The following CEP128 variants were observed in gnomAD, a reference collection of about 807,000 sequenced individuals.
CEP128 encodes the protein centrosomal protein 128.
CEP128 carries 132 observed loss-of-function variants against 156.7 expected under a neutral mutation model. That is an observed-to-expected ratio of 0.84 (90% confidence interval 0.73 to 0.97). The LOEUF (loss-of-function observed/expected upper bound fraction) is 0.97, where lower values mean the gene tolerates loss of function less well. CEP128 is among the 50% of genes least tolerant of loss of function. The pLI is 0.00. For synonymous variants in CEP128, 469 were observed against 448.9 expected, an observed-to-expected ratio of 1.04 and a Z score of -0.57; for missense variants, 1,252 against 1,281.9, an observed-to-expected ratio of 0.98 and a Z score of 0.36.
At position 80,586,906 on chromosome 14, in the gene CEP128, A is replaced by T. The variant is rs113735967; in HGVS notation, c.2807-6483T>A. On this transcript the variant is annotated intron_variant, in intron 19 of 24. Transcript: ENST00000555265. ...TTATTATACTAGTAAAGAAAAATTGAATAAAGGTATAACAATATGACTATA... is the reference window on the plus strand; with the variant it reads ...TTATTATACTAGTAAAGAAAAATTGTATAAAGGTATAACAATATGACTATA... Among the ~76,000 whole-genome samples the T allele has an allele frequency of 3.0e-3, 458 of 152,354 alleles. 4 individuals carry two copies. The highest frequency in any genetic ancestry group is 0.011 in the African/African-American group (439 of 41,578).
At chr14:80,893,695 A>C (rs1889213179) in intron 8 of CEP128, among the ~76,000 whole-genome samples, 1 of 151,958 alleles carries the variant, frequency 6.6e-6, no homozygotes, top group African/African-American at 2.4e-5. Context: ...GGAAAGGGCA[A>C]ATCAGGGCAG....
At chr14:80,918,508 G>A (rs545289441) in intron 2 of CEP128, among the ~76,000 whole-genome samples, 3 of 152,138 alleles carry the variant, frequency 2.0e-5, no homozygotes, top group African/African-American at 2.4e-5. Flanking sequence ...ATTCATAGAG[G>A]ATGCTACTGC....
chr14:80,837,431 C>T (rs1184563972), intron 11 of CEP128, among the ~76,000 whole-genome samples: 5 of 151,854 alleles, frequency 3.3e-5, no homozygotes, highest in African/African-American at 1.2e-4. Flanking sequence ...AAAATTAAGC[C>T]TTATCGGCCG....
chr14:80,955,093 C>A (rs569006109), intron 2 of CEP128: 25 of 170,884 alleles, frequency 1.5e-4, no homozygotes, highest in Admixed American at 7.1e-4. Context: ...GCCAGGGCTG[C>A]GTGCCCGCCT....
intron 23 of CEP128, among the ~76,000 whole-genome samples, chr14:80,506,406 A>AT (rs1398520348): frequency 2.9e-4 from 19 of 64,940 alleles, no homozygotes; most frequent in Non-Finnish European, 6.6e-4. Context: ...ACAAGCTTTG[A>AT]TTTATTTTTT....
intron 14 of CEP128, among the ~76,000 whole-genome samples, chr14:80,482,918 C>T (rs1051603414): frequency 6.6e-6 from 1 of 152,154 alleles, no homozygotes; most frequent in African/African-American, 2.4e-5. Flanking sequence ...GCAAGTTTCT[C>T]AAGCCAAATA....
intron 19 of CEP128, among the ~76,000 whole-genome samples, chr14:80,653,806 A>G (rs1895016082): frequency 6.6e-6 from 1 of 152,320 alleles, no homozygotes; most frequent in Non-Finnish European, 1.5e-5. Context: ...GATGTGACCC[A>G]TTAGGATCAT....
chr14:80,899,358 T>C (rs545724165), intron 7 of CEP128, among the ~76,000 whole-genome samples: 1 of 152,170 alleles, frequency 6.6e-6, no homozygotes, highest in Admixed American at 6.5e-5. Flanking sequence ...CAGCAAAACA[T>C]GGCCTCCAAA....
At chr14:80,497,632 TG>T in intron 24 of CEP128, 50 bp from the exon 25 acceptor site, 1 of 1,263,942 alleles carries the variant, frequency 7.9e-7, no homozygotes, top group Non-Finnish European at 1.1e-6. Flanking sequence ...AATATAAAAC[TG>T]GCCTAAAAAA....
At chr14:80,887,079 T>C (rs547612624) in intron 8 of CEP128, among the ~76,000 whole-genome samples, 49 of 152,276 alleles carry the variant, frequency 3.2e-4, no homozygotes, top group Middle Eastern at 6.8e-3. Context: ...AAGAGCTAAC[T>C]ACCCTAAATA....
At chr14:80,914,906 G>A (rs887932410) in intron 3 of CEP128, among the ~76,000 whole-genome samples, 9 of 152,114 alleles carry the variant, frequency 5.9e-5, no homozygotes, top group Admixed American at 5.2e-4. Context: ...AAATATTCTA[G>A]ATTTCACCTG....
chr14:80,793,505 T>C (rs10498552), intron 13 of CEP128, among the ~76,000 whole-genome samples: 15,105 of 152,174 alleles, frequency 0.099, 1,246 homozygotes, highest in East Asian at 0.43. Context: ...GTAGCAATCA[T>C]ATATAACATT....
intron 20 of CEP128, among the ~76,000 whole-genome samples, chr14:80,569,701 G>A (rs1891058058): frequency 6.6e-6 from 1 of 152,168 alleles, no homozygotes; most frequent in African/African-American, 2.4e-5. Context: ...TCTAAAGCAG[G>A]GGTAAGCAAA....
At chr14:80,670,043 C>A (rs1273904803) in intron 19 of CEP128, among the ~76,000 whole-genome samples, 1 of 151,984 alleles carries the variant, frequency 6.6e-6, no homozygotes, top group Non-Finnish European at 1.5e-5. Context: ...AGGGGAGATG[C>A]CACATATTTT....
chr14:80,863,009 A>G lies in CEP128; in HGVS notation c.646-136T>C, dbSNP rs1887593826. 3 of 542,028 alleles carry G rather than the reference A, an allele frequency of 5.5e-6. No individual in the cohort carries two copies. In the East Asian group the frequency reaches 9.4e-5, roughly 17 times the overall value. The allele number at this position is 542,028 out of a possible 1,614,324, so 33.6% of individuals were successfully genotyped here. On this transcript the variant is annotated intron_variant, in intron 8 of 24. Transcript: ENST00000555265. ...TGTTTTGTTTGCAAAGCCCCTTCTAATGACGCTAACATGAAATAGCTGGCC... is the reference window on the plus strand; with the variant it reads ...TGTTTTGTTTGCAAAGCCCCTTCTAGTGACGCTAACATGAAATAGCTGGCC...
chr14:80,792,863 G>A lies in CEP128; in HGVS notation c.1457C>T (p.Ala486Val). The change falls in exon 14 of 25, where the codon GCT becomes GTT. Residue 486 changes from alanine (A) to valine (V), a missense_variant. Coordinates refer to ENST00000555265, the MANE Select transcript of CEP128 (RefSeq NM_152446.5). ...EKRREDLKLKAQESIRQWKLK... is the reference protein window; with the variant it reads ...EKRREDLKLKVQESIRQWKLK... Reference sequence around the variant, plus strand: ...CTTCCACTGCCTAATGGATTCTTGAGCTTTCAGTTTCAGGTCTTCCCTCCT... The same window carrying A: ...CTTCCACTGCCTAATGGATTCTTGAACTTTCAGTTTCAGGTCTTCCCTCCT... The A allele has an allele frequency of 1.2e-6, 2 of 1,614,158 alleles. No individual in the cohort carries two copies. The highest frequency in any genetic ancestry group is 8.5e-7 in the Non-Finnish European group (1 of 1,180,018).
chr14:80,716,351 A>G (rs1270378551), intron 19 of CEP128, among the ~76,000 whole-genome samples: 1 of 152,194 alleles, frequency 6.6e-6, no homozygotes, highest in Non-Finnish European at 1.5e-5. Context: ...GAAATCCCAT[A>G]TCACCCATCA....
At chr14:80,518,342 T>C (rs910388223) in intron 23 of CEP128, among the ~76,000 whole-genome samples, 1 of 151,868 alleles carries the variant, frequency 6.6e-6, no homozygotes, top group African/African-American at 2.4e-5. Flanking sequence ...GGATTCTTAG[T>C]CGCCCTAGGA....
At chr14:80,856,679 G>A (rs555286494) in intron 9 of CEP128, among the ~76,000 whole-genome samples, 8 of 144,080 alleles carry the variant, frequency 5.6e-5, no homozygotes, top group African/African-American at 2.1e-4. Context: ...GTGTGTGTGC[G>A]TGTGTGTGTG....
Sources: allele counts gnomAD v4.1 joint callset (sites outside exome capture counted in the v4.1 genomes callset), GRCh38; gene constraint gnomAD v4.1.1; transcripts MANE v1.5; gene names NCBI Gene and HGNC (gene_info 2026-07-23, HGNC 2026-07-21).